The following SEMA3D variants were observed in gnomAD, a reference collection of about 807,000 sequenced individuals.
SEMA3D encodes the protein semaphorin-3D.
Under a neutral mutation model 100.1 loss-of-function variants are expected in SEMA3D, and 84 were observed. That is an observed-to-expected ratio of 0.84 (90% CI 0.70 to 1.01). The LOEUF (loss-of-function observed/expected upper bound fraction) is 1.01. Among genes scored for constraint, SEMA3D ranks in the 50% least tolerant of loss-of-function variants. The pLI is 0.00. For synonymous variants in SEMA3D, 312 were observed against 320.7 expected (o/e 0.97, Z 0.29); for missense variants, 875 against 934.1 (o/e 0.94, Z 0.82).
chr7:85,107,501 T>TA (rs1788964761), intron 3 of SEMA3D, among the ~76,000 whole-genome samples: 1 of 152,094 alleles, frequency 6.6e-6, no homozygotes, highest in African/African-American at 2.4e-5. Flanking sequence ...TTCTCTCCCA[T>TA]AAATTGTTAG....
chr7:85,001,271 C>A (rs2115708047), intron 18 of SEMA3D, among the ~76,000 whole-genome samples: 1 of 152,284 alleles, frequency 6.6e-6, no homozygotes, highest in East Asian at 1.9e-4. Context: ...TGAATCCACA[C>A]CATCAGAGTT....
intron 9 of SEMA3D, among the ~76,000 whole-genome samples, chr7:85,051,879 A>G (rs1266604259): frequency 6.6e-6 from 1 of 151,898 alleles, no homozygotes; most frequent in Non-Finnish European, 1.5e-5. Flanking sequence ...TAGGTATCAA[A>G]ATCTCTATGA....
intron 8 of SEMA3D, among the ~76,000 whole-genome samples, chr7:85,061,265 C>T (rs963636704): frequency 1.3e-5 from 2 of 152,120 alleles, no homozygotes; most frequent in Non-Finnish European, 2.9e-5. Context: ...AGGAAGGAAT[C>T]AGGATTCCTA....
intron 9 of SEMA3D, among the ~76,000 whole-genome samples, chr7:85,047,803 C>T (rs1791051283): frequency 6.6e-6 from 1 of 151,776 alleles, no homozygotes; most frequent in Non-Finnish European, 1.5e-5. Context: ...ATAGTTGATG[C>T]TGGAGTTAGA....
chr7:85,114,361 G>A (rs912899812), intron 3 of SEMA3D, among the ~76,000 whole-genome samples: 3 of 152,070 alleles, frequency 2.0e-5, no homozygotes, highest in Non-Finnish European at 4.4e-5. Flanking sequence ...GGAAATATAC[G>A]CTTCATAGTG....
intron 12 of SEMA3D, chr7:85,029,735 A>G (rs1790492741): frequency 3.9e-6 from 1 of 258,152 alleles, no homozygotes; most frequent in Non-Finnish European, 7.7e-6. Flanking sequence ...CTACATAGTT[A>G]AAACACCGAA....
At chr7:85,068,113 A>G (rs1791676067) in intron 7 of SEMA3D, 78 bp downstream of exon 7, 1 of 840,548 alleles carries the variant, frequency 1.2e-6, no homozygotes. Context: ...CTTTAACTCA[A>G]TAGGAAAATG....
intron 12 of SEMA3D, among the ~76,000 whole-genome samples, chr7:85,031,344 G>A (rs904743196): frequency 6.6e-6 from 1 of 151,974 alleles, no homozygotes; most frequent in African/African-American, 2.4e-5. Context: ...TAACTTAAGT[G>A]TAATATGGCT....
the SEMA3D span, among the ~76,000 whole-genome samples, chr7:85,203,251 CTTAA>C: frequency 6.6e-6 from 1 of 152,116 alleles, no homozygotes; most frequent in African/African-American, 2.4e-5. Context: ...GTGTTTCTGT[CTTAA>C]TTTATTGTAA....
intron 1 of SEMA3D, among the ~76,000 whole-genome samples, chr7:85,165,854 A>G (rs1196609808): frequency 6.6e-6 from 1 of 152,102 alleles, no homozygotes; most frequent in African/African-American, 2.4e-5. Context: ...CTCAAACACT[A>G]CAAAGTATTT....
chr7:85,223,803 G>T, the SEMA3D span, among the ~76,000 whole-genome samples: 1 of 151,834 alleles, frequency 6.6e-6, no homozygotes, highest in African/African-American at 2.4e-5. Flanking sequence ...TACACATTGG[G>T]TACAGTGTGC....
chr7:85,067,348 C>T (rs1372163619), intron 7 of SEMA3D, among the ~76,000 whole-genome samples: 1 of 152,084 alleles, frequency 6.6e-6, no homozygotes, highest in Non-Finnish European at 1.5e-5. Context: ...CACAAACCAT[C>T]TATCTCATTT....
chr7:85,027,632 T>G (rs1220102718), intron 12 of SEMA3D, among the ~76,000 whole-genome samples: 1 of 152,054 alleles, frequency 6.6e-6, no homozygotes, highest in Non-Finnish European at 1.5e-5. Context: ...TAAAAGGACA[T>G]ATTATATTCA....
intron 8 of SEMA3D, among the ~76,000 whole-genome samples, chr7:85,062,610 C>T (rs1264960422): frequency 6.6e-6 from 1 of 152,136 alleles, no homozygotes; most frequent in African/African-American, 2.4e-5. Context: ...ATAACATTCA[C>T]AAGATTTTAG....
At chr7:85,224,256 A>G in the SEMA3D span, among the ~76,000 whole-genome samples, 1 of 152,162 alleles carries the variant, frequency 6.6e-6, no homozygotes, top group Non-Finnish European at 1.5e-5. Flanking sequence ...CTTTGTTTGT[A>G]TTTGTAGGTG....
At chr7:85,000,703 T>G (rs1789633041) in intron 18 of SEMA3D, among the ~76,000 whole-genome samples, 1 of 152,220 alleles carries the variant, frequency 6.6e-6, no homozygotes, top group Non-Finnish European at 1.5e-5. Context: ...TACTGAAATG[T>G]GATGCTCTCC....
At chr7:85,053,675 G>T (rs1039225840) in intron 9 of SEMA3D, among the ~76,000 whole-genome samples, 6 of 152,006 alleles carry the variant, frequency 3.9e-5, no homozygotes, top group Non-Finnish European at 8.8e-5. Context: ...CTGAGAAACT[G>T]CAAAGAAAGC....
chr7:85,098,149 G>A (rs560509302), intron 3 of SEMA3D, among the ~76,000 whole-genome samples, 184 bp from the exon 4 acceptor site: 1 of 151,694 alleles, frequency 6.6e-6, no homozygotes, highest in Non-Finnish European at 1.5e-5. Context: ...ATATTTACTT[G>A]CCTAAATATA....
intron 3 of SEMA3D, among the ~76,000 whole-genome samples, chr7:85,103,835 A>T (rs1788821667): frequency 6.6e-6 from 1 of 152,026 alleles, no homozygotes. Context: ...AAATCATTGC[A>T]TATTACAAAT....
Sources: gnomAD v4.1 joint callset for allele counts (sites outside exome capture counted in the v4.1 genomes callset) on GRCh38, gnomAD v4.1.1 for gene constraint, MANE v1.5 for transcripts, NCBI Gene and HGNC (gene_info 2026-07-23, HGNC 2026-07-21) for gene names.